Variants in TGFBRAP1 observed in about 807,000 individuals in gnomAD.
TGFBRAP1 encodes the protein transforming growth factor-beta receptor-associated protein 1.
TGFBRAP1 carries 20 observed loss-of-function variants against 83.2 expected under a neutral mutation model. That is an observed-to-expected ratio of 0.24 (90% CI 0.17 to 0.35). The LOEUF is 0.35. Ranked by LOEUF, TGFBRAP1 falls within the 10% of genes least tolerant of loss-of-function variation. The pLI is 1.00. For missense variants in TGFBRAP1, 950 were observed against 1,099.4 expected (o/e 0.86, Z 1.92); for synonymous variants, 415 against 459.8 (o/e 0.90, Z 1.25).
chr2:105,256,698 G>T, the TGFBRAP1 span, among the ~76,000 whole-genome samples: 1 of 152,152 alleles, frequency 6.6e-6, no homozygotes, highest in Non-Finnish European at 1.5e-5. Context: ...AGTGTCAGAG[G>T]CGTCTGAACC....
intron 1 of TGFBRAP1, among the ~76,000 whole-genome samples, chr2:105,326,135 A>G (rs562019564): frequency 6.6e-6 from 1 of 152,316 alleles, no homozygotes; most frequent in South Asian, 2.1e-4. Context: ...TATCCTTTTT[A>G]CTGGGCAATA....
At chr2:105,273,074 C>T in intron 9 of TGFBRAP1, 60 bp from the exon 10 acceptor site, 1 of 1,579,636 alleles carries the variant, frequency 6.3e-7, no homozygotes, top group Non-Finnish European at 8.6e-7. Context: ...AAAGTCAAAG[C>T]TCTCCCCTGT....
intron 5 of TGFBRAP1, among the ~76,000 whole-genome samples, chr2:105,281,760 C>T (rs1422770473): frequency 6.6e-6 from 1 of 152,200 alleles, no homozygotes; most frequent in Non-Finnish European, 1.5e-5. Context: ...CATTTCATGA[C>T]TCTCAGCCTT....
Position 105,267,480 on chromosome 2 carries a change from A to G in TGFBRAP1, c.2486T>C (p.Val829Ala). ...QICQNPFCEPVFVRYPNGGLV... is the reference protein window; with the variant it reads ...QICQNPFCEPAFVRYPNGGLV... ...ACCACCATTTGGGTATCTAACAAAC[A>G]CAGGCTCACAAAAGGGATTTTGGCA... The change falls in exon 12 of 12, where the codon GTG (valine) becomes GCG (alanine). Residue 829 changes from valine (V) to alanine (A), a missense_variant. Physicochemically the swap from Val to Ala is moderately conservative, Grantham distance 64 (BLOSUM62 0). Transcript: ENST00000393359. 1.2e-6 allele frequency: 2 copies of G among 1,614,232 alleles called. No homozygotes were observed. The highest frequency in any genetic ancestry group is 1.7e-6 in the Non-Finnish European group (2 of 1,180,048).
intron 2 of TGFBRAP1, among the ~76,000 whole-genome samples, chr2:105,300,656 C>T (rs1012541314): frequency 3.3e-5 from 5 of 151,940 alleles, no homozygotes; most frequent in South Asian, 4.2e-4. Context: ...AGGCTGGTCT[C>T]GAACTCCTGA....
At chr2:105,316,467 GCGCGCGCGCGCGCACGCGCACAT>G (rs1297373928) in intron 1 of TGFBRAP1, among the ~76,000 whole-genome samples, 1 of 58,250 alleles carries the variant, frequency 1.7e-5, no homozygotes, top group Non-Finnish European at 3.8e-5. Context: ...GTGTGTGCGC[GCGCGCGCGCGCGCACGCGCACAT>G]AACTCAAAAA....
At position 105,269,347 on chromosome 2, in the gene TGFBRAP1, G is replaced by A. The variant is rs1241895273; in HGVS notation, c.2331C>T (p.Ser777=). The A allele has an allele frequency of 2.5e-6, 4 of 1,614,044 alleles. No homozygotes were observed. The highest frequency in any genetic ancestry group is 2.2e-5 in the East Asian group (1 of 44,876). ...CPFLMGAMRD[S]IHARRTMQVA... ...CCTGCATGGTCCTCCTGGCATGGAT[G>A]CTGTCCCTCATGGCCCCCATCAGGA... is the stretch of plus-strand genomic sequence containing the variant. The change falls in exon 11 of 12, where the codon AGC becomes AGT. Residue 777 remains serine (S), a synonymous_variant. Transcript: ENST00000393359. This position sits in a 1 kb window ranked among gnomAD's most constrained non-coding sequence, Gnocchi z 4.1.
At chr2:105,310,188 A>C (rs2104398123) in intron 1 of TGFBRAP1, among the ~76,000 whole-genome samples, 1 of 152,328 alleles carries the variant, frequency 6.6e-6, no homozygotes, top group East Asian at 1.9e-4. Context: ...TGGACGATTA[A>C]GTAAGTGACC....
intron 2 of TGFBRAP1, among the ~76,000 whole-genome samples, chr2:105,305,316 C>T (rs533762911): frequency 1.3e-5 from 2 of 152,286 alleles, no homozygotes; most frequent in South Asian, 4.1e-4. Context: ...GGTGACTATA[C>T]AAAAACTTGC....
chr2:105,291,573 T>C (rs1295542880), intron 4 of TGFBRAP1, among the ~76,000 whole-genome samples: 1 of 152,168 alleles, frequency 6.6e-6, no homozygotes, highest in Non-Finnish European at 1.5e-5. Context: ...GTACATACAA[T>C]GGAATATTAT....
chr2:105,303,842 C>T (rs1678391490), intron 2 of TGFBRAP1, among the ~76,000 whole-genome samples: 1 of 152,094 alleles, frequency 6.6e-6, no homozygotes, highest in Non-Finnish European at 1.5e-5. Context: ...TTAAACAATA[C>T]TATGGGAATG....
At chr2:105,278,034 G>C (rs998781960) in intron 6 of TGFBRAP1, among the ~76,000 whole-genome samples, 3 of 151,936 alleles carry the variant, frequency 2.0e-5, no homozygotes, top group Non-Finnish European at 4.4e-5. Context: ...ACTCCAGCCC[G>C]GGTGACGGAG....
chr2:105,267,282 C>A lies in TGFBRAP1; in HGVS notation c.*101G>T. ...GGCTCCCTGGCACCCAGATGTCTCC[C>A]TTCGTCCTGGCTGACACAGAGCATG... is the stretch of plus-strand genomic sequence containing the variant. On this transcript the variant is annotated 3_prime_UTR_variant, in exon 12 of 12. Transcript: ENST00000393359. The A allele has an allele frequency of 6.7e-7, 1 of 1,487,962 alleles. No individual in the cohort carries two copies. The allele number at this position is 1,487,962 out of a possible 1,614,324, so 92.2% of individuals were successfully genotyped here. A position where few individuals can be genotyped will look rare whatever the true frequency, so the allele number is the denominator to read the frequency against.
chr2:105,269,549 G>A lies in TGFBRAP1; in HGVS notation c.2129C>T (p.Pro710Leu). The change falls in exon 11 of 12, where the codon CCC becomes CTC. Residue 710 changes from proline to leucine, a missense_variant. Physicochemically the swap from Pro to Leu is moderately conservative, Grantham distance 98. Coordinates refer to ENST00000393359, the MANE Select transcript of TGFBRAP1 (RefSeq NM_004257.6). This position sits in a 1 kb window ranked among gnomAD's most constrained non-coding sequence, Gnocchi z 4.1. ...CLWCSEGRDP[P>L]HRQQLFHTLL... ...CGTGTGAAAGAGTTGCTGGCGGTGG[G>A]GTGGGTCTCGGCCCTCGGAGCACCA... 6.2e-7 allele frequency: 1 copy of A among 1,611,860 alleles called. No homozygotes were observed. Among genetic ancestry groups the A allele is most frequent in the Non-Finnish European group, 8.5e-7 (1 of 1,178,760 alleles).
At chr2:105,294,345 AAGG>A (rs1678013255) in intron 4 of TGFBRAP1, among the ~76,000 whole-genome samples, 1 of 140,450 alleles carries the variant, frequency 7.1e-6, no homozygotes, top group Non-Finnish European at 1.6e-5. Context: ...TGTAAAAGAC[AAGG>A]AGGCCACAGA....
chr2:105,252,538 C>T, the TGFBRAP1 span, among the ~76,000 whole-genome samples: 1 of 152,168 alleles, frequency 6.6e-6, no homozygotes, highest in Non-Finnish European at 1.5e-5. Flanking sequence ...CAGCCAAGCC[C>T]AGATGGGGCC....
intron 1 of TGFBRAP1, among the ~76,000 whole-genome samples, chr2:105,316,467 G>C (rs1273086567): frequency 3.4e-5 from 2 of 58,250 alleles, no homozygotes; most frequent in East Asian, 9.4e-4. Context: ...GTGTGTGCGC[G>C]CGCGCGCGCG....
chr2:105,254,797 G>C, the TGFBRAP1 span, among the ~76,000 whole-genome samples: 4 of 152,274 alleles, frequency 2.6e-5, no homozygotes, highest in African/African-American at 9.6e-5. Flanking sequence ...CCTTTGGGAA[G>C]TGATTAGGTC....
chr2:105,275,638 G>T lies in TGFBRAP1; in HGVS notation c.1587C>A (p.Ile529=). The T allele has an allele frequency of 6.2e-7, 1 of 1,614,046 alleles. No individual in the cohort carries two copies. The highest frequency in any genetic ancestry group is 1.1e-5 in the South Asian group (1 of 91,078). ...DSTRSDLYEY[I]VDFLTYCLDE... Reference sequence around the variant, plus strand: ...CTAAGCAGTAGGTAAGAAAATCCACGATGTATTCATACAGGTCTGAGCGTG... The same window carrying T: ...CTAAGCAGTAGGTAAGAAAATCCACTATGTATTCATACAGGTCTGAGCGTG... The change falls in exon 8 of 12, where the codon ATC becomes ATA. Residue 529 remains isoleucine (I), a synonymous_variant. Transcript: ENST00000393359.
Sources: gnomAD v4.1 joint callset for allele counts (sites outside exome capture counted in the v4.1 genomes callset) on GRCh38, gnomAD v4.1.1 for gene constraint, Gnocchi (gnomAD v3.1) non-coding constraint, MANE v1.5 for transcripts, NCBI Gene and HGNC (gene_info 2026-07-23, HGNC 2026-07-21) for gene names.